MECOM: variants seen among roughly 807,000 people sequenced by gnomAD.
The protein encoded by MECOM is histone-lysine N-methyltransferase MECOM.
MECOM carries 13 observed loss-of-function variants against 116.3 expected under a neutral mutation model. That is an observed-to-expected ratio of 0.11 (90% CI 0.07 to 0.18). The LOEUF is 0.18. MECOM is among the 10% of genes least tolerant of loss of function. The probability of loss-of-function intolerance (pLI) is 1.00; values close to 1 mark genes in which losing one functional copy is unlikely to be tolerated. For synonymous variants in MECOM, 528 were observed against 535.2 expected (o/e 0.99, Z 0.19); for missense variants, 1,299 against 1,509.0 (o/e 0.86, Z 2.31).
intron 1 of MECOM, among the ~76,000 whole-genome samples, chr3:169,492,646 T>C (rs1012863297): frequency 6.6e-6 from 1 of 152,188 alleles, no homozygotes; most frequent in African/African-American, 2.4e-5. Flanking sequence ...GAAATAGTAA[T>C]AAATGGAGTA....
At chr3:169,555,724 A>C (rs868816744) in intron 1 of MECOM, among the ~76,000 whole-genome samples, 4 of 152,220 alleles carry the variant, frequency 2.6e-5, no homozygotes, top group Admixed American at 2.0e-4. Flanking sequence ...AGTCTCACTA[A>C]AATACAAAAC....
chr3:169,318,264 C>T (rs1319561392), intron 2 of MECOM, among the ~76,000 whole-genome samples: 1 of 151,956 alleles, frequency 6.6e-6, no homozygotes, highest in East Asian at 1.9e-4. Context: ...AGCCGAAATA[C>T]ATAAATAGGA....
chr3:169,127,894 G>A lies in MECOM; in HGVS notation c.780C>T (p.His260=). The A allele has an allele frequency of 6.2e-7, 1 of 1,614,056 alleles. No homozygotes were observed. Among genetic ancestry groups the A allele is most frequent in the Non-Finnish European group, 8.5e-7 (1 of 1,179,948 alleles). The change falls in exon 5 of 17, where the codon CAC becomes CAT. Residue 260 remains histidine, a synonymous_variant. Transcript: ENST00000651503. Reference sequence around the variant, plus strand: ...CACATTCCTTACACTCCTGGATCGTGTGTATCTCTTGGAGATCATTCTCGC... The same window carrying A: ...CACATTCCTTACACTCCTGGATCGTATGTATCTCTTGGAGATCATTCTCGC... ...LESENDLQEI[H]TIQECKECDQ...
intron 1 of MECOM, among the ~76,000 whole-genome samples, chr3:169,438,793 C>T (rs1055540855): frequency 6.6e-6 from 1 of 152,162 alleles, no homozygotes; most frequent in Non-Finnish European, 1.5e-5. Flanking sequence ...TCATTTAAAA[C>T]CATGTGTGTT....
chr3:169,383,854 T>C (rs770822394), intron 1 of MECOM, among the ~76,000 whole-genome samples: 3 of 152,220 alleles, frequency 2.0e-5, no homozygotes, highest in South Asian at 4.1e-4. Context: ...ACTACTCTCC[T>C]CTGAGCTCAG....
At chr3:169,337,193 G>T (rs1723720825) in intron 2 of MECOM, among the ~76,000 whole-genome samples, 3 of 152,070 alleles carry the variant, frequency 2.0e-5, no homozygotes, top group Non-Finnish European at 4.4e-5. Context: ...GGTTGGGTAG[G>T]GAGAGAGAAA....
intron 2 of MECOM, among the ~76,000 whole-genome samples, chr3:169,290,256 C>T (rs1714252685): frequency 6.6e-6 from 1 of 151,996 alleles, no homozygotes; most frequent in Non-Finnish European, 1.5e-5. Flanking sequence ...GGGAAAAACA[C>T]AGTAACTGGG....
chr3:169,430,238 C>T (rs148834641), intron 1 of MECOM, among the ~76,000 whole-genome samples: 2 of 152,126 alleles, frequency 1.3e-5, no homozygotes, highest in South Asian at 4.1e-4. Context: ...CATTTTAAGA[C>T]TTTTGCCTGT....
intron 2 of MECOM, among the ~76,000 whole-genome samples, chr3:169,171,158 AC>A (rs1298007589): frequency 2.0e-5 from 3 of 152,222 alleles, no homozygotes; most frequent in African/African-American, 7.2e-5. Context: ...ATCAGAAAAT[AC>A]CTTTTGTGGC....
At chr3:169,400,317 T>C (rs149096182) in intron 1 of MECOM, among the ~76,000 whole-genome samples, 2 of 152,262 alleles carry the variant, frequency 1.3e-5, no homozygotes, top group Non-Finnish European at 2.9e-5. Context: ...CTTTCATGGA[T>C]GGATATATGC....
chr3:169,488,677 C>T (rs1213000089), intron 1 of MECOM, among the ~76,000 whole-genome samples: 2 of 151,856 alleles, frequency 1.3e-5, no homozygotes, highest in African/African-American at 4.8e-5. Flanking sequence ...AACTATAACA[C>T]AACTCATGTT....
At chr3:169,269,969 T>G (rs1048336407) in intron 2 of MECOM, among the ~76,000 whole-genome samples, 1 of 114,822 alleles carries the variant, frequency 8.7e-6, no homozygotes, top group Non-Finnish European at 1.5e-5. Context: ...TATATAAAGG[T>G]GTGTGTGTGT....
chr3:169,196,651 A>C (rs1450814660), intron 2 of MECOM, among the ~76,000 whole-genome samples: 3 of 152,084 alleles, frequency 2.0e-5, no homozygotes, highest in Non-Finnish European at 4.4e-5. Context: ...TATTATTAAA[A>C]GTCAAAACAT....
At chr3:169,166,685 A>G (rs1743644719) in intron 2 of MECOM, among the ~76,000 whole-genome samples, 1 of 152,210 alleles carries the variant, frequency 6.6e-6, no homozygotes, top group Non-Finnish European at 1.5e-5. Flanking sequence ...ATACTGTTTT[A>G]TATCCAAAAG....
intron 2 of MECOM, among the ~76,000 whole-genome samples, chr3:169,264,950 T>C (rs1758074783): frequency 6.6e-6 from 1 of 152,138 alleles, no homozygotes. Flanking sequence ...GGGCTAACTG[T>C]TGCTTCGAGT....
intron 1 of MECOM, among the ~76,000 whole-genome samples, chr3:169,547,198 G>T (rs1478675629): frequency 6.6e-6 from 1 of 152,076 alleles, no homozygotes; most frequent in Admixed American, 6.6e-5. Context: ...CCGGTTGTTG[G>T]AAAGTATGTG....
chr3:169,504,002 G>A (rs1244305862), intron 1 of MECOM, among the ~76,000 whole-genome samples: 1 of 151,976 alleles, frequency 6.6e-6, no homozygotes, highest in Non-Finnish European at 1.5e-5. Flanking sequence ...CTACTTTTGG[G>A]TGTCTGGCCA....
At chr3:169,122,780 A>G (rs1731475952) in intron 5 of MECOM, 53 bp from the exon 6 acceptor site, 1 of 1,583,842 alleles carries the variant, frequency 6.3e-7, no homozygotes, top group African/African-American at 1.3e-5. Flanking sequence ...CATAAACGGA[A>G]CAACATTTTA....
intron 2 of MECOM, among the ~76,000 whole-genome samples, chr3:169,277,713 T>C (rs1759777277): frequency 6.6e-6 from 1 of 152,210 alleles, no homozygotes; most frequent in African/African-American, 2.4e-5. Flanking sequence ...CTTCCAATAT[T>C]TATTACTTTG....
Sources: gnomAD v4.1 joint callset for allele counts (sites outside exome capture counted in the v4.1 genomes callset) on GRCh38, gnomAD v4.1.1 for gene constraint, MANE v1.5 for transcripts, NCBI Gene and HGNC (gene_info 2026-07-23, HGNC 2026-07-21) for gene names.